Variants in CCT8 observed in about 807,000 individuals in gnomAD.
CCT8 encodes the protein T-complex protein 1 subunit theta.
CCT8 carries 10 observed loss-of-function variants against 65.7 expected under a neutral mutation model. The observed-to-expected ratio is 0.15, with a 90% confidence interval of 0.09 to 0.26. The LOEUF is 0.26. Ranked by LOEUF, CCT8 falls within the 10% of genes least tolerant of loss-of-function variation. The pLI is 1.00. For synonymous variants in CCT8, 199 were observed against 221.8 expected (o/e 0.90, Z 0.92); for missense variants, 568 against 669.1 (o/e 0.85, Z 1.67).
intron 4 of CCT8, 101 bp from the exon 5 acceptor site, chr21:29,067,172 G>A (rs531321273): frequency 1.2e-6 from 1 of 826,264 alleles, no homozygotes; most frequent in East Asian, 2.7e-5. Context: ...AAATGACAAA[G>A]AATATACTTC....
chr21:29,064,275 G>A (rs1478405872), intron 7 of CCT8, among the ~76,000 whole-genome samples: 1 of 151,134 alleles, frequency 6.6e-6, no homozygotes, highest in African/African-American at 2.4e-5. Context: ...AGACCAGTCT[G>A]GCCAACATGG....
At chr21:29,067,122 T>G in intron 4 of CCT8, 51 bp from the exon 5 acceptor site, 1 of 1,386,804 alleles carries the variant, frequency 7.2e-7, no homozygotes, top group Non-Finnish European at 9.9e-7. Flanking sequence ...AGTAGCTTAT[T>G]TTGGTAACCC....
At chr21:29,057,694 ACATATAT>A (rs2085515353) in intron 14 of CCT8, among the ~76,000 whole-genome samples, 1 of 79,794 alleles carries the variant, frequency 1.3e-5, no homozygotes, top group Non-Finnish European at 3.8e-5. Flanking sequence ...CATATATCAT[ACATATAT>A]CATATATAAT....
chr21:29,072,060 T>A, intron 1 of CCT8: 1 of 673,090 alleles, frequency 1.5e-6, no homozygotes, highest in Non-Finnish European at 2.7e-6. Context: ...TTTGTACTAG[T>A]TAGTCCCTGA....
chr21:29,072,026 C>T, intron 1 of CCT8: 3 of 693,220 alleles, frequency 4.3e-6, no homozygotes, highest in Non-Finnish European at 7.9e-6. Flanking sequence ...AAAAACAGGT[C>T]AAAATCATTC....
chr21:29,065,237 T>A (rs1459573194), intron 6 of CCT8, 132 bp from the exon 7 acceptor site: 1 of 880,600 alleles, frequency 1.1e-6, no homozygotes, highest in Admixed American at 2.3e-5. Flanking sequence ...ACTCCTGGGA[T>A]AAGGGGTGGA....
In CCT8 at chr21:29,062,357, C is replaced by T. The variant is rs2085573393; in HGVS notation, c.1067G>A (p.Gly356Glu). Residue 356 changes from glycine to glutamate, a missense_variant, in exon 10 of 15, where the codon GGA becomes GAA. Physicochemically the swap from Gly to Glu is moderately conservative, Grantham distance 98. Coordinates refer to ENST00000286788, the MANE Select transcript of CCT8 (RefSeq NM_006585.4). ...HCDSVYLSEV[G>E]DTQVVVFKHE... The stretch of plus-strand genomic sequence containing the variant: ...CTTAAAAACCACCACCTGAGTATCT[C>T]CAACTTCTGAGAGGTAAACACTGTC... 6.2e-7 allele frequency: 1 copy of T among 1,613,890 alleles called. No homozygotes were observed. Among genetic ancestry groups the T allele is most frequent in the Non-Finnish European group, 8.5e-7 (1 of 1,179,892 alleles).
chr21:29,064,858 G>T, intron 7 of CCT8, 110 bp downstream of exon 7: 1 of 859,706 alleles, frequency 1.2e-6, no homozygotes. Context: ...AAATAGGTAA[G>T]ATCCTGCAAT....
Position 29,060,582 on chromosome 21 carries a change from G to A in CCT8, c.1528C>T (p.Leu510Phe), listed in dbSNP as rs762166539. The change falls in exon 14 of 15, where the codon CTC becomes TTC. Residue 510 changes from leucine (L) to phenylalanine (F), a missense_variant. Coordinates refer to ENST00000286788, the MANE Select transcript of CCT8 (RefSeq NM_006585.4). Reference protein sequence around the residue: ...TYLGKYWAIKLATNAAVTVLR... With the variant: ...TYLGKYWAIKFATNAAVTVLR... ...ACAGTGACTGCAGCATTAGTAGCGA[G>A]TTTGATAGCCCAATATTTTCCCAGG... The A allele has an allele frequency of 9.9e-6, 16 of 1,613,744 alleles. No individual in the cohort carries two copies. The highest frequency in any genetic ancestry group is 1.3e-5 in the Non-Finnish European group (15 of 1,179,808).
intron 14 of CCT8, among the ~76,000 whole-genome samples, chr21:29,057,404 A>T (rs933184693): frequency 6.0e-5 from 9 of 150,862 alleles, no homozygotes; most frequent in African/African-American, 2.2e-4. Context: ...CTCCTGCATG[A>T]TCCACCCGCC....
chr21:29,061,567 C>T lies in CCT8; in HGVS notation c.1213G>A (p.Asp405Asn), dbSNP rs2085564636. The change falls in exon 12 of 15, where the codon GAT becomes AAT. Residue 405 changes from aspartate to asparagine, a missense_variant and splice_region_variant. Transcript: ENST00000286788. ...GVNTFKVLTRDKRLVPGGGAT... is the reference protein window; with the variant it reads ...GVNTFKVLTRNKRLVPGGGAT... ...CCACCTCCGGGTACAAGACGTTTAT[C>T]CTGTATGTAGCGCCCCCACCAAAAA... The T allele has an allele frequency of 1.2e-6, 2 of 1,613,694 alleles. No individual in the cohort carries two copies. The highest frequency in any genetic ancestry group is 2.2e-5 in the South Asian group (2 of 91,068).
rs2085573825 is a variant in CCT8 at position 29,062,384 on chromosome 21, C to T, written c.1040G>A (p.Cys347Tyr). 3 of 1,614,002 alleles carry T rather than the reference C, an allele frequency of 1.9e-6. No homozygotes were observed. Among genetic ancestry groups the T allele is most frequent in the Non-Finnish European group, 2.5e-6 (3 of 1,179,884 alleles). ...AACTTCTGAGAGGTAAACACTGTCACAGTGTCCCATTTCTTCAAGGACAGG... is the reference window on the plus strand; with the variant it reads ...AACTTCTGAGAGGTAAACACTGTCATAGTGTCCCATTTCTTCAAGGACAGG... ...TPPVLEEMGH[C>Y]DSVYLSEVGD... is the part of the protein sequence containing the mutation. The change falls in exon 10 of 15, where the codon TGT becomes TAT. Residue 347 changes from cysteine (C) to tyrosine (Y), a missense_variant. Physicochemically the swap from Cys to Tyr is radical, Grantham distance 194 (BLOSUM62 -2). Transcript: ENST00000286788.
chr21:29,071,950 A>G (rs1030748454), intron 1 of CCT8: 1 of 702,158 alleles, frequency 1.4e-6, no homozygotes. Flanking sequence ...CTCTGAACTT[A>G]CCATTCTTCC....
At position 29,060,665 on chromosome 21, in the gene CCT8, C is replaced by A; in HGVS notation, c.1450-5G>T. On this transcript the variant is annotated splice_region_variant and splice_polypyrimidine_tract_variant and intron_variant, in intron 13 of 14. Transcript: ENST00000286788. Reference sequence around the variant, plus strand: ...CTTTACAGCAGGGACTTCAGCCTGTCAAACACAATTTTCATCCTTTCATTT... The same window carrying A: ...CTTTACAGCAGGGACTTCAGCCTGTAAAACACAATTTTCATCCTTTCATTT... 1 of 1,611,082 alleles carries A rather than the reference C, an allele frequency of 6.2e-7. No homozygotes were observed. The highest frequency in any genetic ancestry group is 1.1e-5 in the South Asian group (1 of 90,468).
rs752947012 is a variant in CCT8, at chr21:29,061,377, G to C, written c.1325C>G (p.Ala442Gly). The C allele has an allele frequency of 6.6e-5, 107 of 1,613,872 alleles. No homozygotes were observed. The highest frequency in any genetic ancestry group is 9.0e-5 in the Non-Finnish European group (106 of 1,179,950). ...GCGGGGAATAGCTTCAAATGCCTCA[G>C]CAAACTTCTTAATAGCATACTGTTC... ...GLEQYAIKKF[A>G]EAFEAIPRAL... Residue 442 changes from alanine (A) to glycine (G), a missense_variant, in exon 13 of 15, where the codon GCT (alanine) becomes GGT (glycine). Physicochemically the swap from Ala to Gly is moderately conservative, Grantham distance 60. Coordinates refer to ENST00000286788, the MANE Select transcript of CCT8 (RefSeq NM_006585.4).
At chr21:29,073,317 C>T in intron 1 of CCT8, 1 of 1,408,978 alleles carries the variant, frequency 7.1e-7, no homozygotes, top group Non-Finnish European at 9.2e-7. Context: ...GCCGCCGATC[C>T]CTCGGCCTTC....
At chr21:29,067,974 T>C (rs1418775101) in intron 3 of CCT8, among the ~76,000 whole-genome samples, 1 of 152,192 alleles carries the variant, frequency 6.6e-6, no homozygotes, top group Non-Finnish European at 1.5e-5. Context: ...CACACATATG[T>C]TTCACCATAT....
chr21:29,073,106 T>C (rs1186168336), intron 1 of CCT8: 1 of 252,136 alleles, frequency 4.0e-6, no homozygotes, highest in Non-Finnish European at 6.5e-6. Flanking sequence ...ATCGGCTAGT[T>C]CTCGTTCTTC....
At chr21:29,057,191 A>G (rs1378879747) in intron 14 of CCT8, among the ~76,000 whole-genome samples, 2 of 147,770 alleles carry the variant, frequency 1.4e-5, no homozygotes, top group Admixed American at 6.8e-5. Context: ...TCTTTTTGAG[A>G]CGGAGTCTTG....
Sources: allele counts gnomAD v4.1 joint callset (sites outside exome capture counted in the v4.1 genomes callset), GRCh38; gene constraint gnomAD v4.1.1; transcripts MANE v1.5; gene names NCBI Gene and HGNC (gene_info 2026-07-23, HGNC 2026-07-21).